Variants in CACNA2D3 observed in about 807,000 individuals in gnomAD.
The protein encoded by CACNA2D3 is calcium voltage-gated channel auxiliary subunit alpha2delta 3.
A neutral mutation model predicts 160.6 loss-of-function variants in CACNA2D3; 60 were observed. The observed-to-expected ratio is 0.37, with a 90% confidence interval of 0.30 to 0.46. CACNA2D3 has a LOEUF of 0.46. Ranked by LOEUF, CACNA2D3 falls within the 20% of genes least tolerant of loss-of-function variation. The probability of loss-of-function intolerance (pLI) is 1.00; values close to 1 mark genes in which losing one functional copy is unlikely to be tolerated. For synonymous variants in CACNA2D3, 558 were observed against 492.9 expected, an observed-to-expected ratio of 1.13 and a Z score of -1.75; for missense variants, 1,205 against 1,365.0, an observed-to-expected ratio of 0.88 and a Z score of 1.85.
At chr3:54,731,123 A>G (rs758851586) in intron 11 of CACNA2D3, among the ~76,000 whole-genome samples, 8 of 152,224 alleles carry the variant, frequency 5.3e-5, no homozygotes, top group Non-Finnish European at 1.2e-4. Flanking sequence ...GTATAAATCC[A>G]TCTTGTGATT....
intron 17 of CACNA2D3, 114 bp from the exon 18 acceptor site, chr3:54,871,425 C>A: frequency 1.4e-6 from 1 of 703,246 alleles, no homozygotes. Flanking sequence ...TCACCCTCAT[C>A]GGTCCACTCC....
intron 5 of CACNA2D3, among the ~76,000 whole-genome samples, chr3:54,523,151 C>T (rs1701673229): frequency 6.6e-6 from 1 of 152,018 alleles, no homozygotes; most frequent in Non-Finnish European, 1.5e-5. Context: ...AATATTTCAC[C>T]ATTAAGTGGG....
chr3:54,459,955 G>T (rs924365042), intron 4 of CACNA2D3, among the ~76,000 whole-genome samples: 5 of 152,124 alleles, frequency 3.3e-5, no homozygotes, highest in African/African-American at 1.2e-4. Context: ...TTTGTATAAG[G>T]TGTAAGGAAG....
At chr3:54,806,675 C>A (rs952490093) in intron 13 of CACNA2D3, among the ~76,000 whole-genome samples, 6 of 152,094 alleles carry the variant, frequency 3.9e-5, no homozygotes, top group Admixed American at 6.6e-5. Flanking sequence ...GCTACCAATG[C>A]CTTTATTCAC....
At chr3:54,536,953 C>T (rs1701898835) in intron 5 of CACNA2D3, among the ~76,000 whole-genome samples, 1 of 152,148 alleles carries the variant, frequency 6.6e-6, no homozygotes, top group Non-Finnish European at 1.5e-5. Flanking sequence ...GGCGGAGATG[C>T]AGTGCCAGGC....
chr3:54,702,251 T>C (rs1319748489), intron 11 of CACNA2D3, among the ~76,000 whole-genome samples: 2 of 152,032 alleles, frequency 1.3e-5, no homozygotes, highest in Non-Finnish European at 2.9e-5. Context: ...ACAAAAACAT[T>C]GACAAGTGGG....
intron 2 of CACNA2D3, among the ~76,000 whole-genome samples, chr3:54,184,118 T>G (rs1700835989): frequency 2.0e-5 from 3 of 152,040 alleles, no homozygotes; most frequent in South Asian, 4.2e-4. Context: ...TTGTTTTCTA[T>G]CTCTTTGAGT....
chr3:54,165,517 A>G (rs945384390), intron 2 of CACNA2D3, among the ~76,000 whole-genome samples: 25 of 151,198 alleles, frequency 1.7e-4, no homozygotes, highest in African/African-American at 6.1e-4. Flanking sequence ...TGAGGAAGGA[A>G]GGGGTTTCTA....
chr3:54,132,441 A>G (rs1699731451), intron 2 of CACNA2D3, among the ~76,000 whole-genome samples: 2 of 152,202 alleles, frequency 1.3e-5, no homozygotes, highest in Admixed American at 6.5e-5. Flanking sequence ...GTGTGTGGCC[A>G]AGTTCGAGTA....
At chr3:54,933,040 C>T (rs1448797284) in intron 27 of CACNA2D3, among the ~76,000 whole-genome samples, 3 of 147,274 alleles carry the variant, frequency 2.0e-5, no homozygotes, top group African/African-American at 5.4e-5. Flanking sequence ...GTCTTCCATC[C>T]ATCCATCCCT....
chr3:54,232,551 G>A (rs1370081755), intron 2 of CACNA2D3, among the ~76,000 whole-genome samples: 1 of 152,116 alleles, frequency 6.6e-6, no homozygotes, highest in Admixed American at 6.5e-5. Context: ...GAGGGTTTTT[G>A]TTTCCTTGTT....
intron 2 of CACNA2D3, among the ~76,000 whole-genome samples, chr3:54,314,806 A>G (rs918168981): frequency 3.9e-5 from 6 of 152,236 alleles, no homozygotes; most frequent in Non-Finnish European, 5.9e-5. Flanking sequence ...GACACCAAGT[A>G]TAGTTTGCAG....
chr3:54,388,245 T>A (rs889082691), intron 4 of CACNA2D3, among the ~76,000 whole-genome samples: 10 of 151,876 alleles, frequency 6.6e-5, no homozygotes, highest in African/African-American at 2.2e-4. Flanking sequence ...GATAGAGGAG[T>A]ATAGACACCC....
At chr3:54,463,939 A>G (rs995409579) in intron 4 of CACNA2D3, among the ~76,000 whole-genome samples, 3 of 151,656 alleles carry the variant, frequency 2.0e-5, no homozygotes, top group South Asian at 2.1e-4. Flanking sequence ...CGATGTACAG[A>G]TGGGATTTTG....
At position 54,319,625 on chromosome 3, in the gene CACNA2D3, C is replaced by T. The variant is rs185613576; in HGVS notation, c.205-817C>T. Among the ~76,000 whole-genome samples, 530 of 152,088 alleles carry T rather than the reference C, an allele frequency of 3.5e-3. 2 individuals are homozygous for T. The highest frequency in any genetic ancestry group is 5.7e-3 in the Non-Finnish European group (389 of 67,988). On this transcript the variant is annotated intron_variant, in intron 2 of 37. Transcript: ENST00000474759. Reference sequence around the variant, plus strand: ...AACAAAATTAAATCTTTAGTTAAACCGTGTTTTGGGTCTCAGGACCCTTTA... The same window carrying T: ...AACAAAATTAAATCTTTAGTTAAACTGTGTTTTGGGTCTCAGGACCCTTTA...
At chr3:54,363,555 C>A (rs997846388) in intron 3 of CACNA2D3, among the ~76,000 whole-genome samples, 1 of 152,172 alleles carries the variant, frequency 6.6e-6, no homozygotes, top group Non-Finnish European at 1.5e-5. Flanking sequence ...CCTGAAAGCA[C>A]TCCAATCTAA....
At chr3:54,952,686 A>C (rs1184321670) in intron 27 of CACNA2D3, among the ~76,000 whole-genome samples, 1 of 152,184 alleles carries the variant, frequency 6.6e-6, no homozygotes, top group African/African-American at 2.4e-5. Context: ...CATGGGTTCA[A>C]ATTCTGGTGC....
At chr3:55,021,615 A>ATG (rs1316787642) in intron 35 of CACNA2D3, among the ~76,000 whole-genome samples, 15 of 111,268 alleles carry the variant, frequency 1.3e-4, no homozygotes, top group East Asian at 9.6e-4. Context: ...ATATATATAT[A>ATG]TGTGTGTGTG....
At chr3:54,679,072 G>C (rs72870688) in intron 11 of CACNA2D3, among the ~76,000 whole-genome samples, 25,438 of 152,164 alleles carry the variant, frequency 0.17, 2,418 homozygotes, top group Non-Finnish European at 0.21. Flanking sequence ...AGACTTACCT[G>C]TCAGCCAGGC....
Sources: gnomAD v4.1 joint callset for allele counts (sites outside exome capture counted in the v4.1 genomes callset) on GRCh38, gnomAD v4.1.1 for gene constraint, MANE v1.5 for transcripts, NCBI Gene and HGNC (gene_info 2026-07-23, HGNC 2026-07-21) for gene names.